Variants in NYAP2 observed in about 807,000 individuals in gnomAD.
The protein encoded by NYAP2 is neuronal tyrosine-phosphorylated phosphoinositide-3-kinase adaptor 2, also known as neuronal tyrosine-phosphorylated phosphoinositide-3-kinase adapter 2.
A neutral mutation model predicts 50.4 loss-of-function variants in NYAP2; 23 were observed. That is an observed-to-expected ratio of 0.46 (90% CI 0.33 to 0.65). The LOEUF (loss-of-function observed/expected upper bound fraction) is 0.65, where lower values mean the gene tolerates loss of function less well. Ranked by LOEUF, NYAP2 falls within the 30% of genes least tolerant of loss-of-function variation. The probability of loss-of-function intolerance (pLI) is 0.02; values close to 1 mark genes in which losing one functional copy is unlikely to be tolerated. For synonymous variants in NYAP2, 394 were observed against 365.2 expected, an observed-to-expected ratio of 1.08 and a Z score of -0.90; for missense variants, 885 against 861.0, an observed-to-expected ratio of 1.03 and a Z score of -0.35.
At chr2:225,423,103 A>G (rs1322845500) in intron 3 of NYAP2, among the ~76,000 whole-genome samples, 1 of 152,140 alleles carries the variant, frequency 6.6e-6, no homozygotes, top group East Asian at 1.9e-4. Context: ...TTACAAGATT[A>G]GAAGTCTCCA....
chr2:225,626,365 T>C (rs973512548), intron 5 of NYAP2, among the ~76,000 whole-genome samples: 5 of 152,038 alleles, frequency 3.3e-5, no homozygotes, highest in African/African-American at 7.2e-5. Flanking sequence ...CAGGGATGCA[T>C]GGAGGATGAG....
chr2:225,433,291 G>T (rs1425773567), intron 3 of NYAP2, among the ~76,000 whole-genome samples: 3 of 151,766 alleles, frequency 2.0e-5, no homozygotes, highest in Non-Finnish European at 4.4e-5. Context: ...GTTCAAAGCT[G>T]CAATATGCCA....
intron 5 of NYAP2, among the ~76,000 whole-genome samples, chr2:225,599,085 C>CCT (rs1224003902): frequency 2.0e-5 from 3 of 151,992 alleles, no homozygotes; most frequent in East Asian, 3.9e-4. Context: ...TCTTTCTCTT[C>CCT]CTCTCTCTCT....
chr2:225,496,033 T>A (rs1432929858), intron 3 of NYAP2, among the ~76,000 whole-genome samples: 1 of 152,120 alleles, frequency 6.6e-6, no homozygotes, highest in Non-Finnish European at 1.5e-5. Context: ...CAGGGAGTGG[T>A]AGAGATGATT....
chr2:225,455,081 A>G (rs7560068), intron 3 of NYAP2, among the ~76,000 whole-genome samples: 25,982 of 151,972 alleles, frequency 0.17, 4,807 homozygotes, highest in African/African-American at 0.47. Context: ...GTCTCCAGAA[A>G]TTGGAAAAGG....
At chr2:225,410,023 G>A (rs1485618801) in intron 3 of NYAP2, among the ~76,000 whole-genome samples, 1 of 151,964 alleles carries the variant, frequency 6.6e-6, no homozygotes, top group Non-Finnish European at 1.5e-5. Flanking sequence ...TAATACTTTT[G>A]CTTATCATCT....
chr2:225,439,168 G>A lies in NYAP2; in HGVS notation c.221+30067G>A, dbSNP rs563259451. On this transcript the variant is annotated intron_variant, in intron 3 of 6. Transcript: ENST00000636099. ...AAGGCAGACACCCAAGTGTATAAGG[G>A]TTGGGTTTTCATTAGGTGGATTTAA... Among the ~76,000 whole-genome samples the A allele has an allele frequency of 5.3e-5, 8 of 152,298 alleles. No homozygotes were observed. In the South Asian group the frequency reaches 1.5e-3, roughly 28 times the overall value.
In NYAP2 at chr2:225,450,659, T is replaced by C. The variant is rs558383005; in HGVS notation, c.221+41558T>C. On this transcript the variant is annotated intron_variant, in intron 3 of 6. Transcript: ENST00000636099. ...CTGATTTTTATGACCAGTGAATTTG[T>C]GCATTTACATATTTATAGTCCTTAG... Among the ~76,000 whole-genome samples the C allele has an allele frequency of 5.3e-5, 8 of 152,358 alleles. No individual in the cohort carries two copies. In the South Asian group the frequency reaches 1.7e-3, roughly 32 times the overall value.
At chr2:225,558,558 A>G (rs1691815639) in intron 4 of NYAP2, among the ~76,000 whole-genome samples, 1 of 152,128 alleles carries the variant, frequency 6.6e-6, no homozygotes, top group South Asian at 2.1e-4. Flanking sequence ...CAGCCAGGGA[A>G]CAGGTTCCCT....
chr2:225,675,737 C>T, the NYAP2 span, among the ~76,000 whole-genome samples: 2 of 152,112 alleles, frequency 1.3e-5, no homozygotes, highest in Non-Finnish European at 2.9e-5. Context: ...TCCACAGTGG[C>T]TGAACTAGTT....
In NYAP2 at chr2:225,607,208, G is replaced by A. The variant is rs550048764; in HGVS notation, c.1619-19709G>A. On this transcript the variant is annotated intron_variant, in intron 5 of 6. Coordinates refer to ENST00000636099, the Ensembl canonical transcript of NYAP2. Reference sequence around the variant, plus strand: ...AGATCCAGAAGGCATTTCAGAGATGGTATGGCCTAAATCTCTTATTTGAGC... The same window carrying A: ...AGATCCAGAAGGCATTTCAGAGATGATATGGCCTAAATCTCTTATTTGAGC... Among the ~76,000 whole-genome samples, 4 of 152,070 alleles carry A rather than the reference G, an allele frequency of 2.6e-5. No individual in the cohort carries two copies. In the South Asian group the frequency reaches 6.2e-4, roughly 24 times the overall value.
At chr2:225,674,886 T>C in the NYAP2 span, among the ~76,000 whole-genome samples, 1 of 152,088 alleles carries the variant, frequency 6.6e-6, no homozygotes, top group East Asian at 1.9e-4. Flanking sequence ...ATTTTGAATG[T>C]TATATTTCCA....
intron 3 of NYAP2, among the ~76,000 whole-genome samples, chr2:225,470,557 A>T (rs1027871250): frequency 6.6e-6 from 1 of 152,156 alleles, no homozygotes; most frequent in Non-Finnish European, 1.5e-5. Context: ...TCTGGTGGGT[A>T]AAAAGCAATT....
chr2:225,658,032 C>G (rs1393978051), downstream of NYAP2, among the ~76,000 whole-genome samples: 1 of 152,116 alleles, frequency 6.6e-6, no homozygotes, highest in African/African-American at 2.4e-5. Flanking sequence ...CAGACCTGAA[C>G]TGAGAACATG....
the NYAP2 span, among the ~76,000 whole-genome samples, chr2:225,668,414 A>G: frequency 1.5e-4 from 23 of 152,340 alleles, no homozygotes; most frequent in African/African-American, 5.5e-4. Flanking sequence ...TACTCTGCGT[A>G]CCAGGAGACT....
chr2:225,438,731 C>A (rs1689422870), intron 3 of NYAP2, among the ~76,000 whole-genome samples: 1 of 152,152 alleles, frequency 6.6e-6, no homozygotes, highest in South Asian at 2.1e-4. Flanking sequence ...TAACACTGAC[C>A]TTTGTTTTTG....
chr2:225,540,970 TG>T (rs1171162602), intron 4 of NYAP2, among the ~76,000 whole-genome samples: 1 of 152,144 alleles, frequency 6.6e-6, no homozygotes, highest in Non-Finnish European at 1.5e-5. Flanking sequence ...TCTTTTTAAT[TG>T]GGAAAAGCCA....
intron 4 of NYAP2, among the ~76,000 whole-genome samples, chr2:225,551,513 C>A (rs1691675019): frequency 1.3e-5 from 2 of 152,094 alleles, no homozygotes; most frequent in Admixed American, 6.5e-5. Context: ...GAGACAAACC[C>A]CAAGGCAGTG....
intron 4 of NYAP2, among the ~76,000 whole-genome samples, chr2:225,578,894 G>T (rs890804248): frequency 6.6e-6 from 1 of 152,092 alleles, no homozygotes; most frequent in Admixed American, 6.6e-5. Flanking sequence ...TTAAATTAGA[G>T]AAATTTTCTC....
Sources: allele counts gnomAD v4.1 joint callset (sites outside exome capture counted in the v4.1 genomes callset), GRCh38; gene constraint gnomAD v4.1.1; transcripts MANE v1.5; gene names NCBI Gene and HGNC (gene_info 2026-07-23, HGNC 2026-07-21).